Variants in TNPO1 observed in about 807,000 individuals in gnomAD.
The protein encoded by TNPO1 is transportin 1.
TNPO1 carries 8 observed loss-of-function variants against 119.5 expected under a neutral mutation model. The observed-to-expected ratio is 0.07, with a 90% confidence interval of 0.04 to 0.12. The LOEUF (loss-of-function observed/expected upper bound fraction) is 0.12, where lower values mean the gene tolerates loss of function less well. Among genes scored for constraint, TNPO1 ranks in the 10% least tolerant of loss-of-function variants. The pLI is 1.00. For synonymous variants in TNPO1, 362 were observed against 363.0 expected, an observed-to-expected ratio of 1.00 and a Z score of 0.03; for missense variants, 576 against 1,089.8, an observed-to-expected ratio of 0.53 and a Z score of 6.64.
chr5:72,875,489 G>T, intron 7 of TNPO1, 126 bp from the exon 8 acceptor site: 1 of 837,096 alleles, frequency 1.2e-6, no homozygotes, highest in Non-Finnish European at 1.8e-6. Context: ...ATCTAATATT[G>T]TAGGCCAATT....
chr5:72,831,905 C>T (rs1323903305), intron 1 of TNPO1, among the ~76,000 whole-genome samples: 1 of 151,846 alleles, frequency 6.6e-6, no homozygotes, highest in Non-Finnish European at 1.5e-5. Context: ...ATCTTTTTTT[C>T]TCACTTTTTA....
intron 18 of TNPO1, among the ~76,000 whole-genome samples, chr5:72,896,095 A>G (rs1749409183): frequency 6.6e-6 from 1 of 152,130 alleles, no homozygotes; most frequent in South Asian, 2.1e-4. Context: ...TTTAAAAGCC[A>G]AAATCATTGA....
At chr5:72,817,749 T>G (rs1171824363) in intron 1 of TNPO1, among the ~76,000 whole-genome samples, 1 of 152,082 alleles carries the variant, frequency 6.6e-6, no homozygotes, top group African/African-American at 2.4e-5. Flanking sequence ...AGATGTATGG[T>G]GTAATAGGTG....
In TNPO1 at chr5:72,843,052, C is replaced by T. The variant is rs189557216; in HGVS notation, c.16-5333C>T. ...TTACCATAGTCATTCTCCACTGAGG[C>T]AGTGCTGCTCTCTGGAGGTGTCCTA... On this transcript the variant is annotated intron_variant, in intron 1 of 24. Transcript: ENST00000337273. 1.1e-4 allele frequency among the ~76,000 whole-genome samples: 16 copies of T among 152,324 alleles called. No individual in the cohort carries two copies. The East Asian group carries it at 2.7e-3, about 26-fold the overall frequency.
intron 6 of TNPO1, among the ~76,000 whole-genome samples, chr5:72,870,031 C>G (rs1280721357): frequency 6.6e-6 from 1 of 152,046 alleles, no homozygotes; most frequent in Non-Finnish European, 1.5e-5. Context: ...GTAGGAATGC[C>G]TTTTCTCTTC....
intron 11 of TNPO1, among the ~76,000 whole-genome samples, chr5:72,886,420 G>T (rs568108006): frequency 2.6e-5 from 4 of 152,126 alleles, no homozygotes; most frequent in Non-Finnish European, 2.9e-5. Flanking sequence ...AACAGTGATT[G>T]TAATCATGAT....
At chr5:72,889,464 A>C (rs1031584079) in intron 13 of TNPO1, among the ~76,000 whole-genome samples, 1 of 151,912 alleles carries the variant, frequency 6.6e-6, no homozygotes, top group Non-Finnish European at 1.5e-5. Flanking sequence ...TAATTTATTC[A>C]TTCAGTACCT....
intron 2 of TNPO1, among the ~76,000 whole-genome samples, chr5:72,849,071 T>G (rs2112245966): frequency 1.3e-5 from 2 of 152,130 alleles, no homozygotes; most frequent in South Asian, 2.1e-4. Flanking sequence ...GACCTACAGG[T>G]GGGGGAAAGG....
At position 72,900,045 on chromosome 5, in the gene TNPO1, A is replaced by C. The variant is rs1452464577; in HGVS notation, c.2378A>C (p.Glu793Ala). The change falls in exon 21 of 25, where the codon GAG (glutamate) becomes GCG (alanine). Residue 793 changes from glutamate to alanine, a missense_variant. Glu to Ala is a moderately radical substitution (Grantham distance 107). Around this residue, in one of 6 missense-constraint regions of TNPO1, gnomAD observed 162 missense variants for 294.1 expected, o/e 0.55. Transcript: ENST00000337273. ...CGTCTTGGTTACGTTTGTCCTCAAG[A>C]GGTGGCCCCCATGCTACAGCAGTTT... ...IGRLGYVCPQEVAPMLQQFIR... is the reference protein window; with the variant it reads ...IGRLGYVCPQAVAPMLQQFIR... The C allele has an allele frequency of 1.2e-6, 2 of 1,613,912 alleles. No individual in the cohort carries two copies. The highest frequency in any genetic ancestry group is 3.3e-5 in the Admixed American group (2 of 59,996).
chr5:72,850,081 A>G (rs1745429686), intron 2 of TNPO1, among the ~76,000 whole-genome samples: 1 of 152,166 alleles, frequency 6.6e-6, no homozygotes, highest in African/African-American at 2.4e-5. Flanking sequence ...TGAGAGGAAA[A>G]CTACTTTAGC....
chr5:72,843,852 G>T (rs1745018794), intron 1 of TNPO1, among the ~76,000 whole-genome samples: 1 of 152,176 alleles, frequency 6.6e-6, no homozygotes, highest in Non-Finnish European at 1.5e-5. Context: ...CTGGTGGAAT[G>T]TATTTGCTTT....
chr5:72,857,784 C>T (rs1746120562), intron 4 of TNPO1, among the ~76,000 whole-genome samples: 4 of 152,296 alleles, frequency 2.6e-5, no homozygotes, highest in Non-Finnish European at 4.4e-5. Context: ...CTACAATACT[C>T]TGTGTCTTTA....
At chr5:72,867,323 T>C (rs1169971088) in intron 6 of TNPO1, among the ~76,000 whole-genome samples, 2 of 152,212 alleles carry the variant, frequency 1.3e-5, no homozygotes, top group African/African-American at 4.8e-5. Context: ...TAATATGATA[T>C]TCTACATTAT....
chr5:72,827,403 C>G (rs1744251596), intron 1 of TNPO1, among the ~76,000 whole-genome samples: 2 of 152,096 alleles, frequency 1.3e-5, no homozygotes, highest in South Asian at 4.1e-4. Context: ...ATTTTTGCTG[C>G]TTTGTCTCAG....
chr5:72,852,410 A>AC (rs1745652226), intron 3 of TNPO1, among the ~76,000 whole-genome samples: 1 of 152,234 alleles, frequency 6.6e-6, no homozygotes, highest in Non-Finnish European at 1.5e-5. Flanking sequence ...CAAGGAGCTT[A>AC]CGTTGTAGTG....
intron 21 of TNPO1, among the ~76,000 whole-genome samples, chr5:72,900,282 G>A (rs923858340): frequency 1.3e-5 from 2 of 152,002 alleles, no homozygotes; most frequent in Non-Finnish European, 2.9e-5. Flanking sequence ...TGTGGCTAAC[G>A]ACTAATTGAT....
At chr5:72,896,750 T>C (rs1193988589) in intron 19 of TNPO1, among the ~76,000 whole-genome samples, 194 bp downstream of exon 19, 1 of 152,046 alleles carries the variant, frequency 6.6e-6, no homozygotes, top group Non-Finnish European at 1.5e-5. Flanking sequence ...GTGCCTATAA[T>C]CCCAACTATT....
chr5:72,867,170 G>GA (rs11409581), intron 6 of TNPO1, among the ~76,000 whole-genome samples: 122,093 of 149,730 alleles, frequency 0.82, 50,011 homozygotes, highest in Non-Finnish European at 0.86. Context: ...GACCCTGCCT[G>GA]AAAAAAAAAA....
chr5:72,863,015 TG>T lies in TNPO1; in HGVS notation c.462+1102del, dbSNP rs1421294737. On this transcript the variant is annotated intron_variant, in intron 5 of 24. Transcript: ENST00000337273. ...TTTTGTGTGTGTGTGTGTGTGTGTG[TG>T]TGTGTGTGTGGTTTTTTTTGTTGTT... Among the ~76,000 whole-genome samples, 1,315 of 151,550 alleles carry T rather than the reference TG, an allele frequency of 8.7e-3. 54 individuals carry two copies. In the East Asian group the frequency reaches 0.14, roughly 17 times the overall value.
Sources: allele counts gnomAD v4.1 joint callset (sites outside exome capture counted in the v4.1 genomes callset), GRCh38; gene constraint gnomAD v4.1.1; regional missense constraint gnomAD v4.1.1; transcripts MANE v1.5; gene names NCBI Gene and HGNC (gene_info 2026-07-23, HGNC 2026-07-21).